The following MSRA variants were observed in gnomAD, a reference collection of about 807,000 sequenced individuals.
The protein encoded by MSRA is mitochondrial peptide methionine sulfoxide reductase.
Under a neutral mutation model 31.3 loss-of-function variants are expected in MSRA, and 54 were observed. The observed-to-expected ratio is 1.73, with a 90% CI of 1.39 to 2.17. The LOEUF (loss-of-function observed/expected upper bound fraction) is 2.17, where lower values mean the gene tolerates loss of function less well. Among genes scored for constraint, MSRA ranks in the 30% most tolerant of loss-of-function variants. The probability of loss-of-function intolerance (pLI) is 0.00; values close to 1 mark genes in which losing one functional copy is unlikely to be tolerated. For missense variants in MSRA, 507 were observed against 300.9 expected, an observed-to-expected ratio of 1.69 and a Z score of -5.07; for synonymous variants, 169 against 116.5, an observed-to-expected ratio of 1.45 and a Z score of -2.90.
At chr8:10,169,757 A>AC (rs1032824270) in intron 1 of MSRA, among the ~76,000 whole-genome samples, 12 of 152,150 alleles carry the variant, frequency 7.9e-5, no homozygotes, top group African/African-American at 2.9e-4. Context: ...AAAATTCCTA[A>AC]CCATTCATCA....
chr8:10,186,758 A>AGATAGCT (rs1807092575), intron 1 of MSRA, among the ~76,000 whole-genome samples: 1 of 152,190 alleles, frequency 6.6e-6, no homozygotes, highest in Non-Finnish European at 1.5e-5. Context: ...CACACCAAGC[A>AGATAGCT]GATAGCTGCC....
intron 4 of MSRA, among the ~76,000 whole-genome samples, chr8:10,314,456 C>T (rs1207215413): frequency 2.0e-5 from 3 of 152,062 alleles, no homozygotes; most frequent in Non-Finnish European, 2.9e-5. Context: ...GATTCCATTA[C>T]ACACCAAGCA....
At chr8:10,104,462 C>G (rs780724196) in intron 1 of MSRA, among the ~76,000 whole-genome samples, 11 of 152,060 alleles carry the variant, frequency 7.2e-5, no homozygotes, top group Non-Finnish European at 1.5e-4. Flanking sequence ...AAGATGTACA[C>G]TGGTTTGATC....
At chr8:10,182,167 C>G (rs1157627891) in intron 1 of MSRA, among the ~76,000 whole-genome samples, 2 of 152,086 alleles carry the variant, frequency 1.3e-5, no homozygotes, top group East Asian at 1.9e-4. Context: ...ATCCTCTAAG[C>G]TGCAGCAGCT....
chr8:10,172,203 A>T (rs891175865), intron 1 of MSRA, among the ~76,000 whole-genome samples: 1 of 152,096 alleles, frequency 6.6e-6, no homozygotes, highest in African/African-American at 2.4e-5. Context: ...TGGTCACGGG[A>T]GTATGGGTTG....
chr8:10,409,816 C>A (rs539605516), intron 5 of MSRA, among the ~76,000 whole-genome samples: 183 of 152,352 alleles, frequency 1.2e-3, no homozygotes, highest in Non-Finnish European at 2.0e-3. Context: ...AATGTCAGTA[C>A]TTTGGAAGGC....
chr8:10,291,898 G>A (rs752713085), intron 3 of MSRA, among the ~76,000 whole-genome samples: 9 of 152,050 alleles, frequency 5.9e-5, no homozygotes, highest in African/African-American at 1.2e-4. Context: ...ACCTGGACTC[G>A]GACTCTAGGC....
chr8:10,256,998 A>C (rs150778595), intron 3 of MSRA, among the ~76,000 whole-genome samples: 4 of 152,290 alleles, frequency 2.6e-5, no homozygotes, highest in African/African-American at 9.6e-5. Context: ...TCAGTGAAAA[A>C]TGTTAAAATA....
intron 1 of MSRA, among the ~76,000 whole-genome samples, chr8:10,170,724 C>A (rs895263810): frequency 1.3e-5 from 2 of 152,156 alleles, no homozygotes; most frequent in South Asian, 4.1e-4. Context: ...CTTGGGCATC[C>A]TCAGATTTTG....
intron 5 of MSRA, among the ~76,000 whole-genome samples, chr8:10,385,591 G>T (rs6601450): frequency 0.44 from 67,031 of 151,912 alleles, 15,074 homozygotes; most frequent in East Asian, 0.52. Context: ...ATTACTCTGT[G>T]GTAAGGAGAT....
At chr8:10,375,820 T>G (rs1235448261) in intron 5 of MSRA, among the ~76,000 whole-genome samples, 2 of 152,202 alleles carry the variant, frequency 1.3e-5, no homozygotes, top group Non-Finnish European at 2.9e-5. Flanking sequence ...CTCTGTAACT[T>G]TGGTTGCCCT....
chr8:10,204,019 G>A (rs1808730370), intron 1 of MSRA, among the ~76,000 whole-genome samples: 1 of 151,500 alleles, frequency 6.6e-6, no homozygotes, highest in Non-Finnish European at 1.5e-5. Context: ...AGTAAAAAAT[G>A]AAAATTTTAA....
chr8:10,084,728 T>G (rs1280123295), intron 1 of MSRA, among the ~76,000 whole-genome samples: 1 of 152,244 alleles, frequency 6.6e-6, no homozygotes, highest in East Asian at 1.9e-4. Flanking sequence ...TTTAGAACAC[T>G]GTGTGGCTAT....
At chr8:10,413,995 T>C (rs952238269) in intron 5 of MSRA, among the ~76,000 whole-genome samples, 16 of 151,994 alleles carry the variant, frequency 1.1e-4, no homozygotes, top group Admixed American at 2.6e-4. Context: ...CGAGACCCCA[T>C]CTCTACAAAA....
chr8:10,076,743 A>G (rs1172648827), intron 1 of MSRA, among the ~76,000 whole-genome samples: 1 of 151,918 alleles, frequency 6.6e-6, no homozygotes, highest in Admixed American at 6.6e-5. Context: ...TCTGGGTTCT[A>G]CTTTCCTAGT....
At chr8:10,141,854 T>C (rs1802739153) in intron 1 of MSRA, among the ~76,000 whole-genome samples, 1 of 152,178 alleles carries the variant, frequency 6.6e-6, no homozygotes, top group Admixed American at 6.5e-5. Context: ...ATTACCGTGG[T>C]TGCACTGTGC....
At chr8:10,309,985 A>G (rs1176808535) in intron 4 of MSRA, among the ~76,000 whole-genome samples, 3 of 152,140 alleles carry the variant, frequency 2.0e-5, no homozygotes, top group Non-Finnish European at 4.4e-5. Context: ...GACAAATCCT[A>G]TTTTCCTTCT....
At chr8:10,332,425 T>C (rs779397911) in intron 5 of MSRA, among the ~76,000 whole-genome samples, 35 of 151,996 alleles carry the variant, frequency 2.3e-4, no homozygotes, top group Admixed American at 5.2e-4. Flanking sequence ...AATAATTCAT[T>C]GACTTACCTT....
intron 5 of MSRA, among the ~76,000 whole-genome samples, chr8:10,343,255 A>G (rs1803556895): frequency 6.6e-6 from 1 of 152,206 alleles, no homozygotes; most frequent in South Asian, 2.1e-4. Flanking sequence ...CATGGTGAGA[A>G]CACCGTCTCT....
Sources: gnomAD v4.1 joint callset for allele counts (sites outside exome capture counted in the v4.1 genomes callset) on GRCh38, gnomAD v4.1.1 for gene constraint, MANE v1.5 for transcripts, NCBI Gene and HGNC (gene_info 2026-07-23, HGNC 2026-07-21) for gene names.